KLRG2: variants seen among roughly 807,000 people sequenced by gnomAD.
KLRG2 encodes killer cell lectin like receptor G2.
KLRG2 carries 39 observed loss-of-function variants against 35.4 expected under a neutral mutation model. That is an observed-to-expected ratio of 1.10 (90% CI 0.85 to 1.44). The LOEUF is 1.44. KLRG2 is among the 40% of genes most tolerant of loss of function. The pLI is 0.00. For synonymous variants in KLRG2, 283 were observed against 265.8 expected, an observed-to-expected ratio of 1.06 and a Z score of -0.63; for missense variants, 632 against 570.9, an observed-to-expected ratio of 1.11 and a Z score of -1.09.
chr7:139,483,313 G>C lies in KLRG2; in HGVS notation c.330C>G (p.Pro110=). The C allele has an allele frequency of 6.4e-7, 1 of 1,551,960 alleles. No individual in the cohort carries two copies. The highest frequency in any genetic ancestry group is 8.6e-7 in the Non-Finnish European group (1 of 1,160,316). ...LVKLPRNGEA[P]GAEPAPSAWA... is the part of the protein sequence containing the mutation. Reference sequence around the variant, plus strand: ...AGGCGCTGGGCGCAGGCTCAGCCCCGGGCGCCTCGCCATTCCGGGGCAGCT... The same window carrying C: ...AGGCGCTGGGCGCAGGCTCAGCCCCCGGCGCCTCGCCATTCCGGGGCAGCT... Residue 110 remains proline (P), a synonymous_variant, in exon 1 of 5, where the codon CCC becomes CCG. Transcript: ENST00000340940.
At chr7:139,435,139 A>G in the KLRG2 span, among the ~76,000 whole-genome samples, 1 of 152,218 alleles carries the variant, frequency 6.6e-6, no homozygotes, top group Non-Finnish European at 1.5e-5. Flanking sequence ...CCTAAAAATG[A>G]TAATGGCTAC....
At chr7:139,470,449 A>C (rs1465148241) in intron 3 of KLRG2, among the ~76,000 whole-genome samples, 1 of 152,226 alleles carries the variant, frequency 6.6e-6, no homozygotes, top group African/African-American at 2.4e-5. Context: ...ATGCAAAGCC[A>C]GTCTTCTTTT....
At chr7:139,462,331 C>T (rs1221284461) in intron 3 of KLRG2, among the ~76,000 whole-genome samples, 1 of 152,002 alleles carries the variant, frequency 6.6e-6, no homozygotes, top group Non-Finnish European at 1.5e-5. Flanking sequence ...CACCCCTCAC[C>T]CCTTCTCTCC....
chr7:139,455,699 C>T (rs1264030493), intron 3 of KLRG2, among the ~76,000 whole-genome samples: 8 of 152,062 alleles, frequency 5.3e-5, no homozygotes, highest in African/African-American at 1.9e-4. Flanking sequence ...GCAGTGATGC[C>T]GGCACGGCCC....
Position 139,482,901 on chromosome 7 carries a change from C to T in KLRG2, c.742G>A (p.Ala248Thr). ...GAGCACTCACCCGTAAGCGTTACGG[C>T]CCGGGGCAGCTTCTCGTCGCCGTCC... ...GLDGDEKLPR[A>T]VTLTGLPMYV... The change falls in exon 1 of 5, where the codon GCC (alanine) becomes ACC (threonine). Residue 248 changes from alanine (A) to threonine (T), a missense_variant. Transcript: ENST00000340940. 5 of 1,489,078 alleles carry T rather than the reference C, an allele frequency of 3.4e-6. No homozygotes were observed. The highest frequency in any genetic ancestry group is 2.7e-6 in the Non-Finnish European group (3 of 1,130,346). The allele number at this position is 1,489,078 out of a possible 1,614,324, so 92.2% of individuals were successfully genotyped here.
At chr7:139,467,400 T>C (rs1024030331) in intron 3 of KLRG2, among the ~76,000 whole-genome samples, 6 of 152,226 alleles carry the variant, frequency 3.9e-5, no homozygotes, top group African/African-American at 1.2e-4. Flanking sequence ...AAATGGCCTA[T>C]TCCTTGTGGG....
chr7:139,476,734 C>T (rs561722422), intron 3 of KLRG2, among the ~76,000 whole-genome samples: 7 of 152,256 alleles, frequency 4.6e-5, no homozygotes, highest in Admixed American at 4.6e-4. Context: ...TGATCCACTG[C>T]ACCCGGCCTC....
chr7:139,429,666 G>A, the KLRG2 span, among the ~76,000 whole-genome samples: 1 of 152,098 alleles, frequency 6.6e-6, no homozygotes, highest in Non-Finnish European at 1.5e-5. Context: ...CACAGCACAT[G>A]TTTCAGAGAG....
At chr7:139,432,044 G>A in the KLRG2 span, among the ~76,000 whole-genome samples, 6 of 122,592 alleles carry the variant, frequency 4.9e-5, no homozygotes, top group Non-Finnish European at 9.3e-5. Flanking sequence ...GTTTGTAAAT[G>A]TATGTTTTAA....
Position 139,483,468 on chromosome 7 carries a change from C to T in KLRG2, c.175G>A (p.Gly59Ser), listed in dbSNP as rs775835529. The T allele has an allele frequency of 4.4e-6, 7 of 1,591,422 alleles. No individual in the cohort carries two copies. The East Asian group carries it at 6.8e-5, about 16-fold the overall frequency. ...SPAGAVEKAA[G>S]AGLEPSSKKK... ...TTGCTCGAGGGCTCCAGGCCTGCGC[C>T]CGCCGCCTTCTCCACGGCCCCGGCC... Residue 59 changes from glycine (G) to serine (S), a missense_variant, in exon 1 of 5, where the codon GGC becomes AGC. Coordinates refer to ENST00000340940, the MANE Select transcript of KLRG2 (RefSeq NM_198508.4).
the KLRG2 span, among the ~76,000 whole-genome samples, chr7:139,442,888 G>T: frequency 6.6e-6 from 1 of 151,954 alleles, no homozygotes; most frequent in African/African-American, 2.4e-5. Context: ...CAATTGAAAA[G>T]AAGTAATCCT....
chr7:139,480,187 G>A lies in KLRG2; in HGVS notation c.818C>T (p.Ala273Val), dbSNP rs747462633. The change falls in exon 2 of 5, where the codon GCA becomes GTA. Residue 273 changes from alanine to valine, a missense_variant. Coordinates refer to ENST00000340940, the MANE Select transcript of KLRG2 (RefSeq NM_198508.4). ...GACCACAATGACAACCCCAGAGACT[G>A]CCAGGAGCACAGCCATGAACGCCAG... ...WALAFMAVLL[A>V]VSGVVIVVLA... 13 of 1,613,826 alleles carry A rather than the reference G, an allele frequency of 8.1e-6. No individual in the cohort carries two copies. Among genetic ancestry groups the A allele is most frequent in the Non-Finnish European group, 1.1e-5 (13 of 1,179,816 alleles).
chr7:139,474,806 G>A (rs1047936035), intron 3 of KLRG2, among the ~76,000 whole-genome samples: 7 of 152,096 alleles, frequency 4.6e-5, no homozygotes, highest in African/African-American at 1.7e-4. Flanking sequence ...TAAATGTCTT[G>A]TCCACAGTTC....
chr7:139,445,351 G>A, the KLRG2 span, among the ~76,000 whole-genome samples: 1 of 152,144 alleles, frequency 6.6e-6, no homozygotes, highest in South Asian at 2.1e-4. Context: ...CAAAGTGCTG[G>A]GATTACAGGC....
At chr7:139,436,338 AC>A in the KLRG2 span, among the ~76,000 whole-genome samples, 2 of 148,436 alleles carry the variant, frequency 1.3e-5, no homozygotes, top group African/African-American at 2.5e-5. Flanking sequence ...TGTCTAGGGA[AC>A]CCCCCCCTTC....
the KLRG2 span, among the ~76,000 whole-genome samples, chr7:139,446,896 G>T: frequency 7.9e-5 from 12 of 152,160 alleles, no homozygotes; most frequent in East Asian, 2.3e-3. Context: ...CTCATTTGAA[G>T]ATCCTTAATT....
chr7:139,447,567 A>G, the KLRG2 span, among the ~76,000 whole-genome samples: 1 of 151,800 alleles, frequency 6.6e-6, no homozygotes, highest in Non-Finnish European at 1.5e-5. Flanking sequence ...CACACTGCTA[A>G]TTTTTGTATT....
At chr7:139,455,388 C>A (rs1239055369) in intron 3 of KLRG2, among the ~76,000 whole-genome samples, 3 of 143,760 alleles carry the variant, frequency 2.1e-5, no homozygotes, top group Non-Finnish European at 3.0e-5. Context: ...GTGGCGCGAT[C>A]TCGGCTCACT....
chr7:139,464,789 T>C (rs75030703), intron 3 of KLRG2, among the ~76,000 whole-genome samples: 1 of 152,254 alleles, frequency 6.6e-6, no homozygotes, highest in Non-Finnish European at 1.5e-5. Flanking sequence ...CTGCCGCTGC[T>C]TTAATATTTT....
Sources: allele counts gnomAD v4.1 joint callset (sites outside exome capture counted in the v4.1 genomes callset), GRCh38; gene constraint gnomAD v4.1.1; transcripts MANE v1.5; gene names NCBI Gene and HGNC (gene_info 2026-07-23, HGNC 2026-07-21).